Variants in SGSM1 observed in about 807,000 individuals in gnomAD.
SGSM1 encodes the protein small G protein signaling modulator 1.
In SGSM1, 73 loss-of-function variants were observed where a neutral mutation model predicts 133.8. The observed-to-expected ratio is 0.55, with a 90% CI of 0.45 to 0.66. The LOEUF (loss-of-function observed/expected upper bound fraction) is 0.66, where lower values mean the gene tolerates loss of function less well. Ranked by LOEUF, SGSM1 falls within the 30% of genes least tolerant of loss-of-function variation. The pLI is 0.00. For missense variants in SGSM1, 1,213 were observed against 1,448.1 expected (o/e 0.84, Z 2.64); for synonymous variants, 563 against 573.0 (o/e 0.98, Z 0.25).
intron 3 of SGSM1, among the ~76,000 whole-genome samples, chr22:24,847,217 A>AAAAAC (rs1205928752): frequency 1.3e-5 from 2 of 152,196 alleles, no homozygotes; most frequent in African/African-American, 4.8e-5. Context: ...TCTAACTCAA[A>AAAAAC]AAAACAAAAC....
intron 22 of SGSM1, 69 bp from the exon 23 acceptor site, chr22:24,917,587 CAT>C: frequency 9.1e-7 from 1 of 1,098,432 alleles, no homozygotes; most frequent in Non-Finnish European, 1.4e-6. Context: ...GATGTACCAC[CAT>C]TTATTCAGCT....
At chr22:24,911,134 G>C (rs1933600328) in intron 21 of SGSM1, among the ~76,000 whole-genome samples, 1 of 151,794 alleles carries the variant, frequency 6.6e-6, no homozygotes, top group Non-Finnish European at 1.5e-5. Flanking sequence ...TACTCAGGAG[G>C]CTGAGGCAGG....
At chr22:24,912,563 A>C (rs748158664) in intron 21 of SGSM1, 80 bp from the exon 22 acceptor site, 1 of 926,768 alleles carries the variant, frequency 1.1e-6, no homozygotes, top group Admixed American at 2.4e-5. Flanking sequence ...ATATTTCAAC[A>C]TGAGATTTGG....
intron 5 of SGSM1, 117 bp from the exon 6 acceptor site, chr22:24,854,879 G>A (rs1930677466): frequency 4.3e-6 from 3 of 699,330 alleles, no homozygotes; most frequent in Non-Finnish European, 7.5e-6. Flanking sequence ...TTTTACAGAT[G>A]GGGCAGCTGA....
chr22:24,900,414 T>TCTCTCTTTC (rs1484572431), intron 19 of SGSM1, among the ~76,000 whole-genome samples: 4 of 146,260 alleles, frequency 2.7e-5, no homozygotes, highest in African/African-American at 7.8e-5. Flanking sequence ...TTTCTGTATT[T>TCTCTCTTTC]TTGAGACAGA....
At chr22:24,874,371 G>A (rs748566709) in intron 12 of SGSM1, 65 of 1,561,832 alleles carry the variant, frequency 4.2e-5, no homozygotes, top group South Asian at 6.1e-5. Flanking sequence ...CCTGCCCACC[G>A]CAGAACCCCC....
At chr22:24,855,119 G>C (rs1443666141) in intron 6 of SGSM1, 56 bp downstream of exon 6, 13 of 1,577,866 alleles carry the variant, frequency 8.2e-6, no homozygotes, top group Non-Finnish European at 6.9e-6. Context: ...AGTCTGAGGG[G>C]CACCTTCTCC....
chr22:24,860,204 T>G lies in SGSM1; in HGVS notation c.926+364T>G, dbSNP rs543078212. Reference sequence around the variant, plus strand: ...CAATAAAAAGGGAAGGCAGGAGGTGTTAGCGAGCATCTGGTCCAGGGCTGC... The same window carrying G: ...CAATAAAAAGGGAAGGCAGGAGGTGGTAGCGAGCATCTGGTCCAGGGCTGC... On this transcript the variant is annotated intron_variant, in intron 9 of 24. Coordinates refer to ENST00000400358, the MANE Select transcript of SGSM1 (RefSeq NM_001098497.3). Among the ~76,000 whole-genome samples the G allele has an allele frequency of 7.9e-5, 12 of 152,294 alleles. No individual in the cohort carries two copies. In the South Asian group the frequency reaches 2.5e-3, roughly 32 times the overall value.
At chr22:24,811,062 T>A (rs1291459652) in intron 2 of SGSM1, among the ~76,000 whole-genome samples, 2 of 152,170 alleles carry the variant, frequency 1.3e-5, no homozygotes, top group African/African-American at 4.8e-5. Context: ...AAGTTTTTAG[T>A]ATGAGTATGT....
rs913837974 is a variant in SGSM1 at position 24,860,626 on chromosome 22, G to T, written c.926+786G>T. Among the ~76,000 whole-genome samples the T allele has an allele frequency of 2.0e-5, 3 of 151,916 alleles. No individual in the cohort carries two copies. The South Asian group carries it at 6.2e-4, about 32-fold the overall frequency. Reference sequence around the variant, plus strand: ...TCCCCAATAATATTATTCTGGGCCGGGTGTGGTGGCTCACACCTGTAATCC... The same window carrying T: ...TCCCCAATAATATTATTCTGGGCCGTGTGTGGTGGCTCACACCTGTAATCC... On this transcript the variant is annotated intron_variant, in intron 9 of 24. Coordinates refer to ENST00000400358, the MANE Select transcript of SGSM1 (RefSeq NM_001098497.3).
chr22:24,850,518 CTT>C (rs1260782091), intron 5 of SGSM1, 86 bp downstream of exon 5: 1 of 1,530,104 alleles, frequency 6.5e-7, no homozygotes, highest in South Asian at 1.3e-5. Context: ...CACAAAGCTG[CTT>C]TCTTTTTCCC....
At chr22:24,920,848 C>T (rs1933980583) in intron 24 of SGSM1, among the ~76,000 whole-genome samples, 1 of 152,182 alleles carries the variant, frequency 6.6e-6, no homozygotes, top group Non-Finnish European at 1.5e-5. Flanking sequence ...ACCTTGGCCT[C>T]GCTTTGCCTA....
chr22:24,854,136 A>G (rs576764213), intron 5 of SGSM1, among the ~76,000 whole-genome samples: 4 of 152,322 alleles, frequency 2.6e-5, no homozygotes, highest in Non-Finnish European at 4.4e-5. Context: ...GGGTGAGGAC[A>G]CAGCCAAACC....
chr22:24,813,905 C>G (rs1432028304), intron 2 of SGSM1: 1 of 152,224 alleles, frequency 6.6e-6, no homozygotes, highest in Non-Finnish European at 1.5e-5. Context: ...TTTGGTCACC[C>G]CTAAGGGCCC....
intron 21 of SGSM1, among the ~76,000 whole-genome samples, chr22:24,910,559 A>T (rs1272369402): frequency 6.6e-6 from 1 of 152,148 alleles, no homozygotes; most frequent in African/African-American, 2.4e-5. Context: ...AGACAAGAGG[A>T]TTGCTTGAGC....
chr22:24,897,826 G>A (rs1271579528), intron 18 of SGSM1, 146 bp from the exon 19 acceptor site: 3 of 723,104 alleles, frequency 4.1e-6, no homozygotes, highest in Non-Finnish European at 4.6e-6. Flanking sequence ...GTTTTGCCTC[G>A]TTCTTTTCAC....
chr22:24,844,848 A>T, intron 2 of SGSM1, 49 bp from the exon 3 acceptor site: 7 of 1,596,224 alleles, frequency 4.4e-6, no homozygotes, highest in Non-Finnish European at 6.0e-6. Flanking sequence ...TACCCAGGTC[A>T]CCTTGGTCAC....
At chr22:24,879,723 C>T (rs1204182881) in intron 14 of SGSM1, among the ~76,000 whole-genome samples, 197 bp downstream of exon 14, 1 of 152,126 alleles carries the variant, frequency 6.6e-6, no homozygotes, top group Admixed American at 6.5e-5. Flanking sequence ...TAAATTTTAC[C>T]CCTGGGTCCT....
At chr22:24,891,161 C>T (rs1333844416) in intron 16 of SGSM1, among the ~76,000 whole-genome samples, 2 of 152,166 alleles carry the variant, frequency 1.3e-5, no homozygotes, top group South Asian at 4.1e-4. Context: ...GAGTTCAAGA[C>T]CAGCCTGAGC....
Sources: gnomAD v4.1 joint callset for allele counts (sites outside exome capture counted in the v4.1 genomes callset) on GRCh38, gnomAD v4.1.1 for gene constraint, MANE v1.5 for transcripts, NCBI Gene and HGNC (gene_info 2026-07-23, HGNC 2026-07-21) for gene names.